The following CD300LB variants were observed in gnomAD, a reference collection of about 807,000 sequenced individuals.
CD300LB encodes the protein CD300 molecule like family member b.
In CD300LB, 18 loss-of-function variants were observed where a neutral mutation model predicts 20.8. That is an observed-to-expected ratio of 0.87 (90% CI 0.60 to 1.28). The LOEUF (loss-of-function observed/expected upper bound fraction) is 1.28, where lower values mean the gene tolerates loss of function less well. CD300LB is among the 50% of genes most tolerant of loss of function. The pLI, the probability that CD300LB is intolerant of heterozygous loss-of-function variation, is 0.00. For missense variants in CD300LB, 222 were observed against 251.8 expected (o/e 0.88, Z 0.80); for synonymous variants, 91 against 91.3 (o/e 1.00, Z 0.02).
intron 1 of CD300LB, among the ~76,000 whole-genome samples, chr17:74,527,244 A>G (rs1250586300): frequency 6.6e-6 from 1 of 152,242 alleles, no homozygotes; most frequent in East Asian, 1.9e-4. Context: ...GATTGACTCC[A>G]GTTAGGCTGT....
intron 3 of CD300LB, 148 bp downstream of exon 3, chr17:74,523,431 G>C: frequency 1.5e-6 from 1 of 670,066 alleles, no homozygotes; most frequent in East Asian, 2.7e-5. Context: ...GCAGTGATGG[G>C]GGCAGGAGAG....
intron 3 of CD300LB, chr17:74,523,175 G>T (rs1907934059): frequency 3.8e-6 from 2 of 523,724 alleles, no homozygotes; most frequent in South Asian, 2.4e-5. Flanking sequence ...AGCGCCAGAG[G>T]TCACCAAATA....
rs1419822176 is a variant in CD300LB at position 74,531,402 on chromosome 17, G to A, written c.-52C>T. 2 of 1,612,698 alleles carry A rather than the reference G, an allele frequency of 1.2e-6. No homozygotes were observed. The highest frequency in any genetic ancestry group is 2.2e-5 in the South Asian group (2 of 90,946). On this transcript the variant is annotated 5_prime_UTR_variant, in exon 1 of 4. Coordinates refer to ENST00000392621, the MANE Select transcript of CD300LB (RefSeq NM_174892.4). The stretch of plus-strand genomic sequence containing the variant: ...GCCTGATCTGCAACCAGTGGCAAAT[G>A]CAGATCCCAGATGCACTCTGGAAGT...
At chr17:74,529,742 G>C (rs572955180) in intron 1 of CD300LB, among the ~76,000 whole-genome samples, 1 of 151,954 alleles carries the variant, frequency 6.6e-6, no homozygotes, top group Non-Finnish European at 1.5e-5. Context: ...GTGAGCCAAG[G>C]TTGCACCACT....
intron 1 of CD300LB, among the ~76,000 whole-genome samples, chr17:74,528,437 T>C (rs78065375): frequency 6.6e-6 from 1 of 152,314 alleles, no homozygotes; most frequent in East Asian, 1.9e-4. Flanking sequence ...ATAGAGTTCA[T>C]GTTAATTTGT....
intron 1 of CD300LB, among the ~76,000 whole-genome samples, chr17:74,527,045 C>CA (rs1225767329): frequency 6.6e-6 from 1 of 152,236 alleles, no homozygotes; most frequent in Non-Finnish European, 1.5e-5. Context: ...TTTACAAAGA[C>CA]ACACTGGATG....
Position 74,531,367 on chromosome 17 carries a change from C to A in CD300LB, c.-17G>T. 1 of 1,612,836 alleles carries A rather than the reference C, an allele frequency of 6.2e-7. No individual in the cohort carries two copies. The highest frequency in any genetic ancestry group is 8.5e-7 in the Non-Finnish European group (1 of 1,179,416). ...CAGCCACATGGCTCTGCCTTCCCGGCTCCTCGTCCGCCTGATCTGCAACCA... is the reference window on the plus strand; with the variant it reads ...CAGCCACATGGCTCTGCCTTCCCGGATCCTCGTCCGCCTGATCTGCAACCA... On this transcript the variant is annotated 5_prime_UTR_variant, in exon 1 of 4. Transcript: ENST00000392621.
intron 1 of CD300LB, among the ~76,000 whole-genome samples, chr17:74,530,142 G>T (rs528167574): frequency 6.6e-6 from 1 of 152,326 alleles, no homozygotes; most frequent in South Asian, 2.1e-4. Flanking sequence ...ACTGGAGTCG[G>T]GTCTCAGAAC....
intron 1 of CD300LB, among the ~76,000 whole-genome samples, chr17:74,530,550 A>AACACACACACACACACAC (rs67278106): frequency 1.7e-4 from 25 of 143,044 alleles, no homozygotes; most frequent in African/African-American, 6.5e-4. Context: ...CAGGTCCCCC[A>AACACACACACACACACAC]ACACACACAC....
At chr17:74,526,610 G>C (rs1445131856) in intron 1 of CD300LB, among the ~76,000 whole-genome samples, 4 of 152,294 alleles carry the variant, frequency 2.6e-5, no homozygotes, top group Admixed American at 6.5e-5. Flanking sequence ...CTATGCGGGA[G>C]GCTGAAGCAT....
At chr17:74,530,288 C>T (rs1245165957) in intron 1 of CD300LB, among the ~76,000 whole-genome samples, 2 of 152,222 alleles carry the variant, frequency 1.3e-5, no homozygotes, top group Non-Finnish European at 1.5e-5. Flanking sequence ...AGATTGTCCC[C>T]TAATGCCCTC....
At chr17:74,522,986 A>C (rs1567998301) in intron 3 of CD300LB, 86 bp from the exon 4 acceptor site, 2 of 1,356,256 alleles carry the variant, frequency 1.5e-6, no homozygotes, top group Non-Finnish European at 2.0e-6. Flanking sequence ...CCACCAGCCA[A>C]AGCCTGTGAC....
rs555473379 is a variant in CD300LB, at chr17:74,530,629, C to T, written c.40+682G>A. ...GAGTGTTCTCCTCTCAGCTCTGCTC[C>T]AGAGACTGACCTTCCTTCTACAAGG... On this transcript the variant is annotated intron_variant, in intron 1 of 3. Coordinates refer to ENST00000392621, the MANE Select transcript of CD300LB (RefSeq NM_174892.4). 6.6e-5 allele frequency among the ~76,000 whole-genome samples: 10 copies of T among 151,962 alleles called. No homozygotes were observed. The East Asian group carries it at 1.7e-3, about 27-fold the overall frequency.
chr17:74,523,709 G>T, intron 2 of CD300LB, 58 bp from the exon 3 acceptor site: 1 of 1,182,468 alleles, frequency 8.5e-7, no homozygotes, highest in Non-Finnish European at 1.3e-6. Context: ...TCATGCATGG[G>T]TCACAAAGCC....
chr17:74,522,020 G>A lies in CD300LB; in HGVS notation c.*718C>T. 1 of 985,466 alleles carries A rather than the reference G, an allele frequency of 1.0e-6. No homozygotes were observed. The highest frequency in any genetic ancestry group is 1.2e-6 in the Non-Finnish European group (1 of 829,954). The allele number at this position is 985,466 out of a possible 1,614,324, so 61.0% of individuals were successfully genotyped here. On this transcript the variant is annotated 3_prime_UTR_variant, in exon 4 of 4. Transcript: ENST00000392621. ...AGACCCAAGCTGTCATGCTGAGGAG[G>A]CTCCCAAGCTGCAGCCCCTCGGAGG...
At chr17:74,523,101 A>T (rs1907932470) in intron 3 of CD300LB, 1 of 578,384 alleles carries the variant, frequency 1.7e-6, no homozygotes, top group Non-Finnish European at 3.1e-6. Flanking sequence ...CACGGGGCCC[A>T]TCTTCCTTTC....
At chr17:74,523,403 G>C (rs1907940662) in intron 3 of CD300LB, 176 bp downstream of exon 3, 1 of 622,648 alleles carries the variant, frequency 1.6e-6, no homozygotes, top group African/African-American at 1.8e-5. Context: ...GAGAGCTAGA[G>C]TGGGGAGATG....
chr17:74,531,171 C>A (rs1260900458), intron 1 of CD300LB, 140 bp downstream of exon 1: 5 of 962,744 alleles, frequency 5.2e-6, no homozygotes, highest in Non-Finnish European at 7.3e-6. Flanking sequence ...CCGAAGCACA[C>A]GATGTCAGTC....
intron 3 of CD300LB, chr17:74,523,324 T>TCAG (rs1907938459): frequency 3.5e-6 from 2 of 563,826 alleles, no homozygotes; most frequent in African/African-American, 3.7e-5. Flanking sequence ...AGGCCACCAA[T>TCAG]GCAAGGTTGA....
Sources: allele counts gnomAD v4.1 joint callset (sites outside exome capture counted in the v4.1 genomes callset), GRCh38; gene constraint gnomAD v4.1.1; transcripts MANE v1.5; gene names NCBI Gene and HGNC (gene_info 2026-07-23, HGNC 2026-07-21).